VPS13A: variants seen among roughly 807,000 people sequenced by gnomAD.
VPS13A encodes the protein vacuolar protein sorting 13 homolog A.
In VPS13A, 264 loss-of-function variants were observed where a neutral mutation model predicts 390.9. The observed-to-expected ratio is 0.68, with a 90% CI of 0.61 to 0.75. VPS13A has a LOEUF of 0.75. VPS13A is among the 30% of genes least tolerant of loss of function. The pLI is 0.00. For synonymous variants in VPS13A, 1,231 were observed against 1,227.1 expected, an observed-to-expected ratio of 1.00 and a Z score of -0.07; for missense variants, 3,409 against 3,733.9, an observed-to-expected ratio of 0.91 and a Z score of 2.27.
chr9:77,195,510 G>T (rs991247577), intron 1 of VPS13A, among the ~76,000 whole-genome samples: 1 of 152,168 alleles, frequency 6.6e-6, no homozygotes, highest in Non-Finnish European at 1.5e-5. Flanking sequence ...GCTGAGGCGG[G>T]TGGATCACTT....
intron 68 of VPS13A, chr9:77,382,610 C>T: frequency 9.6e-7 from 1 of 1,045,796 alleles, no homozygotes; most frequent in Non-Finnish European, 1.2e-6. Context: ...ATATATAATC[C>T]TTATATCCAA....
At chr9:77,263,759 A>G (rs575535467) in intron 23 of VPS13A, among the ~76,000 whole-genome samples, 171 of 152,118 alleles carry the variant, frequency 1.1e-3, no homozygotes, top group Non-Finnish European at 1.6e-3. Flanking sequence ...ATTAGATCCC[A>G]TTTGTCAATT....
At chr9:77,305,330 T>C (rs1452197119) in intron 34 of VPS13A, among the ~76,000 whole-genome samples, 1 of 152,234 alleles carries the variant, frequency 6.6e-6, no homozygotes, top group Non-Finnish European at 1.5e-5. Flanking sequence ...AATGGCTGCT[T>C]TAACTTACAG....
At chr9:77,251,808 C>A (rs1277968132) in intron 21 of VPS13A, among the ~76,000 whole-genome samples, 2 of 152,160 alleles carry the variant, frequency 1.3e-5, no homozygotes, top group East Asian at 3.9e-4. Flanking sequence ...TTATCACTAG[C>A]AGATTGATCA....
intron 71 of VPS13A, among the ~76,000 whole-genome samples, chr9:77,408,794 T>C (rs939309236): frequency 1.1e-4 from 17 of 152,148 alleles, no homozygotes; most frequent in African/African-American, 4.1e-4. Flanking sequence ...ACAAAGCAGC[T>C]GGGAAGCTCG....
chr9:77,365,435 T>A (rs760121240), intron 59 of VPS13A, 25 bp from the exon 60 acceptor site: 2 of 1,498,992 alleles, frequency 1.3e-6, no homozygotes, highest in South Asian at 2.3e-5. Flanking sequence ...CCCTTTAGTT[T>A]TAATATTTTG....
chr9:77,227,612 C>A (rs939308078), intron 16 of VPS13A, 127 bp downstream of exon 16: 8 of 715,128 alleles, frequency 1.1e-5, no homozygotes, highest in Non-Finnish European at 9.4e-6. Flanking sequence ...CTTAACCTGG[C>A]CTCAAGCAAT....
In VPS13A at chr9:77,370,417, G is replaced by A; in HGVS notation, c.8746G>A (p.Gly2916Arg). ...LKALVGGAVGGLAGAASKITG... is the reference protein window; with the variant it reads ...LKALVGGAVGRLAGAASKITG... ...TTACTAAAGATAATTTCTGTCAGGT[G>A]GATTGGCTGGTGCTGCCTCCAAAAT... is the stretch of plus-strand genomic sequence containing the variant. Residue 2916 changes from glycine (G) to arginine (R), a missense_variant and splice_region_variant, in exon 65 of 72, where the codon GGA becomes AGA. This residue lies in a region of VPS13A where 318 missense variants were observed against 333.7 expected (regional missense o/e 0.95). Transcript: ENST00000360280. 6.2e-7 allele frequency: 1 copy of A among 1,614,110 alleles called. No homozygotes were observed. The highest frequency in any genetic ancestry group is 8.5e-7 in the Non-Finnish European group (1 of 1,180,014).
intron 60 of VPS13A, 52 bp downstream of exon 60, chr9:77,365,625 G>A (rs1232334929): frequency 1.8e-6 from 2 of 1,119,140 alleles, no homozygotes; most frequent in South Asian, 1.3e-5. Context: ...ATAGCAAATT[G>A]ATGTAGCATT....
intron 68 of VPS13A, among the ~76,000 whole-genome samples, chr9:77,399,164 T>G (rs1587719314): frequency 1.2e-5 from 1 of 83,724 alleles, no homozygotes; most frequent in Admixed American, 1.3e-4. Flanking sequence ...ACTTAGAGTA[T>G]AATAAAAAAA....
intron 22 of VPS13A, among the ~76,000 whole-genome samples, chr9:77,254,515 G>T (rs1422595366): frequency 6.6e-6 from 1 of 152,072 alleles, no homozygotes; most frequent in Non-Finnish European, 1.5e-5. Context: ...GGCTATTCGG[G>T]ATCCTTTGGT....
At chr9:77,297,223 T>C (rs1212341081) in intron 33 of VPS13A, among the ~76,000 whole-genome samples, 4 of 152,180 alleles carry the variant, frequency 2.6e-5, no homozygotes, top group Non-Finnish European at 5.9e-5. Flanking sequence ...CATTTCTTCT[T>C]TTCTAATATA....
intron 21 of VPS13A, among the ~76,000 whole-genome samples, chr9:77,251,154 A>G (rs1825129090): frequency 6.6e-6 from 1 of 152,234 alleles, no homozygotes; most frequent in African/African-American, 2.4e-5. Context: ...TATTTTTATC[A>G]TATTCTAATT....
intron 39 of VPS13A, among the ~76,000 whole-genome samples, chr9:77,317,230 A>G (rs540679242): frequency 6.6e-6 from 1 of 152,146 alleles, no homozygotes; most frequent in East Asian, 1.9e-4. Flanking sequence ...AGAATAGAAA[A>G]TGGAGGGTAT....
chr9:77,292,678 C>T (rs1166949385), intron 31 of VPS13A, among the ~76,000 whole-genome samples: 2 of 152,162 alleles, frequency 1.3e-5, no homozygotes, highest in African/African-American at 4.8e-5. Context: ...TTGCTTGCTT[C>T]TAGCATTTAG....
rs536556525 is a variant in VPS13A, at chr9:77,371,011, C to G, written c.8954-15C>G. 3.4e-5 allele frequency: 55 copies of G among 1,614,044 alleles called. 1 individual carries two copies. In the South Asian group the frequency reaches 5.5e-4, roughly 16 times the overall value. ...TTCTTGGATGCAATTGTCAAAAACT[C>G]TTTTTTCTTTCCAGGAGCTCAAAAA... On this transcript the variant is annotated splice_polypyrimidine_tract_variant and intron_variant, in intron 66 of 71. Coordinates refer to ENST00000360280, the MANE Select transcript of VPS13A (RefSeq NM_033305.3).
At chr9:77,413,853 G>C (rs1411960320) in intron 71 of VPS13A, among the ~76,000 whole-genome samples, 1 of 152,126 alleles carries the variant, frequency 6.6e-6, no homozygotes, top group Non-Finnish European at 1.5e-5. Context: ...ATCTGACAAA[G>C]GGCCAATATC....
chr9:77,252,122 A>C, intron 21 of VPS13A, 113 bp from the exon 22 acceptor site: 1 of 844,636 alleles, frequency 1.2e-6, no homozygotes, highest in Non-Finnish European at 2.0e-6. Context: ...AAGATTACCT[A>C]GATGTGGGGA....
chr9:77,286,643 T>G (rs976603526), intron 31 of VPS13A, among the ~76,000 whole-genome samples: 1 of 152,180 alleles, frequency 6.6e-6, no homozygotes, highest in African/African-American at 2.4e-5. Context: ...CTAAGAACTT[T>G]GCCATTTTCC....
Sources: allele counts gnomAD v4.1 joint callset (sites outside exome capture counted in the v4.1 genomes callset), GRCh38; gene constraint gnomAD v4.1.1; regional missense constraint gnomAD v4.1.1; transcripts MANE v1.5; gene names NCBI Gene and HGNC (gene_info 2026-07-23, HGNC 2026-07-21).